Variants in RGS7 observed in about 807,000 individuals in gnomAD.
RGS7 encodes the protein regulator of G protein signaling 7, also known as regulator of G-protein signaling 7.
A neutral mutation model predicts 81.1 loss-of-function variants in RGS7; 27 were observed. That is an observed-to-expected ratio of 0.33 (90% CI 0.25 to 0.46). The LOEUF (loss-of-function observed/expected upper bound fraction) is 0.46, where lower values mean the gene tolerates loss of function less well. Among genes scored for constraint, RGS7 ranks in the 20% least tolerant of loss-of-function variants. The pLI is 1.00. For missense variants in RGS7, 396 were observed against 607.4 expected (o/e 0.65, Z 3.66); for synonymous variants, 208 against 207.7 (o/e 1.00, Z -0.01).
chr1:240,976,544 G>T (rs920193696), intron 4 of RGS7, among the ~76,000 whole-genome samples: 3 of 152,132 alleles, frequency 2.0e-5, no homozygotes, highest in Admixed American at 6.5e-5. Flanking sequence ...ATGTGGGTGG[G>T]CTTCATCCCA....
intron 2 of RGS7, among the ~76,000 whole-genome samples, chr1:241,110,638 TTTTTATTTTATTTTA>T (rs10590598): frequency 3.5e-5 from 5 of 144,076 alleles, no homozygotes; most frequent in South Asian, 4.4e-4. Flanking sequence ...TATTATTTCA[TTTTTATTTTATTTTA>T]TTTTATTTTA....
At chr1:241,191,865 C>A (rs1314663844) in intron 2 of RGS7, among the ~76,000 whole-genome samples, 1 of 152,176 alleles carries the variant, frequency 6.6e-6, no homozygotes, top group Non-Finnish European at 1.5e-5. Flanking sequence ...TTGTCAAATT[C>A]ATGTGTATAG....
In RGS7 at chr1:241,302,603, C is replaced by CTGAAA. The variant is rs2079839324; in HGVS notation, c.78+53095_78+53096insTTTCA. Among the ~76,000 whole-genome samples the CTGAAA allele has an allele frequency of 5.3e-5, 8 of 152,172 alleles. No homozygotes were observed. In the South Asian group the frequency reaches 1.7e-3, roughly 32 times the overall value. ...TTGGCTTCTACTCAGATAGGGAGCACCTTGGGAATTTTCAGTAAAACAAAT... is the reference window on the plus strand; with the variant it reads ...TTGGCTTCTACTCAGATAGGGAGCACTGAAACTTGGGAATTTTCAGTAAAACAAAT... On this transcript the variant is annotated intron_variant, in intron 2 of 18. Coordinates refer to ENST00000440928, the MANE Select transcript of RGS7 (RefSeq NM_001364886.1).
chr1:240,847,979 A>C (rs907478183), intron 9 of RGS7, among the ~76,000 whole-genome samples: 6 of 152,202 alleles, frequency 3.9e-5, no homozygotes, highest in African/African-American at 1.4e-4. Context: ...AATGTATAAA[A>C]AGCTTTAGAA....
intron 6 of RGS7, among the ~76,000 whole-genome samples, chr1:240,885,665 A>G (rs1667223401): frequency 6.6e-6 from 1 of 152,156 alleles, no homozygotes; most frequent in East Asian, 1.9e-4. Flanking sequence ...CAAATGCCAC[A>G]TGTTCTCACT....
chr1:240,796,054 T>A (rs1572124255), intron 18 of RGS7, among the ~76,000 whole-genome samples: 1 of 152,282 alleles, frequency 6.6e-6, no homozygotes. Flanking sequence ...CACAAAGTGC[T>A]GAGATTACAG....
At chr1:240,989,232 G>A (rs986846303) in intron 3 of RGS7, among the ~76,000 whole-genome samples, 2 of 151,302 alleles carry the variant, frequency 1.3e-5, no homozygotes, top group Admixed American at 6.6e-5. Flanking sequence ...GAGGTCAGGA[G>A]ATGGAGACCA....
chr1:241,186,755 A>G (rs1191277298), intron 2 of RGS7, among the ~76,000 whole-genome samples: 7 of 151,784 alleles, frequency 4.6e-5, no homozygotes, highest in South Asian at 4.2e-4. Flanking sequence ...TCGAACTCCC[A>G]AACTCAGGTG....
intron 9 of RGS7, among the ~76,000 whole-genome samples, chr1:240,845,279 C>T (rs1021944293): frequency 3.3e-5 from 5 of 152,102 alleles, no homozygotes; most frequent in African/African-American, 9.7e-5. Context: ...AATATGTAGC[C>T]GCCTCTCAGA....
intron 3 of RGS7, among the ~76,000 whole-genome samples, chr1:241,095,139 C>T (rs2064159228): frequency 6.6e-6 from 1 of 152,128 alleles, no homozygotes; most frequent in South Asian, 2.1e-4. Flanking sequence ...AGCAAGGTGG[C>T]CACTGATCCC....
rs183207049 is a variant in RGS7 at position 241,107,779 on chromosome 1, C to A, written c.79-9017G>T. 4.9e-3 allele frequency among the ~76,000 whole-genome samples: 748 copies of A among 152,274 alleles called. 4 individuals are homozygous for A. The highest frequency in any genetic ancestry group is 0.017 in the African/African-American group (726 of 41,564). ...TTTATATGAACCCAAGGAGAAATTCCTTCTCTAATTTCCATACCTGAATTT... is the reference window on the plus strand; with the variant it reads ...TTTATATGAACCCAAGGAGAAATTCATTCTCTAATTTCCATACCTGAATTT... On this transcript the variant is annotated intron_variant, in intron 2 of 18. Coordinates refer to ENST00000440928, the MANE Select transcript of RGS7 (RefSeq NM_001364886.1).
chr1:240,775,917 A>G lies in RGS7; in HGVS notation c.*303T>C. 2.0e-6 allele frequency: 1 copy of G among 498,908 alleles called. No homozygotes were observed. Among genetic ancestry groups the G allele is most frequent in the Non-Finnish European group, 3.6e-6 (1 of 274,614 alleles). 30.9% of individuals were successfully genotyped at this position (498,908 alleles called of 1,614,324 possible). A position where few individuals can be genotyped will look rare whatever the true frequency, so the allele number is the denominator to read the frequency against. On this transcript the variant is annotated 3_prime_UTR_variant, in exon 19 of 19. Coordinates refer to ENST00000440928, the MANE Select transcript of RGS7 (RefSeq NM_001364886.1). ...AAAGAAAAGGTTTTACTTCACTTGA[A>G]CTTGTTAAAAAGGAAGAGACACAGA... is the stretch of plus-strand genomic sequence containing the variant.
intron 3 of RGS7, among the ~76,000 whole-genome samples, chr1:241,068,238 G>GTGTGTGTGTGTGTATATATATATATA: frequency 2.8e-5 from 1 of 35,660 alleles, no homozygotes; most frequent in East Asian, 6.7e-3. Flanking sequence ...GTGTGTGTGT[G>GTGTGTGTGTGTGTATATATATATATA]TATATATATA....
chr1:241,090,050 G>C (rs2063779981), intron 3 of RGS7, among the ~76,000 whole-genome samples: 1 of 151,656 alleles, frequency 6.6e-6, no homozygotes, highest in African/African-American at 2.4e-5. Context: ...CTTCCATAGG[G>C]ATCTTGTTTG....
intron 3 of RGS7, among the ~76,000 whole-genome samples, chr1:241,031,540 T>C (rs773484453): frequency 1.6e-4 from 24 of 152,214 alleles, no homozygotes; most frequent in Non-Finnish European, 2.6e-4. Flanking sequence ...TTTAGTACTT[T>C]GAAAAATCTC....
chr1:240,979,687 G>A (rs1173771718), intron 4 of RGS7, among the ~76,000 whole-genome samples: 4 of 152,168 alleles, frequency 2.6e-5, no homozygotes, highest in Admixed American at 6.5e-5. Flanking sequence ...TAGCAACAGC[G>A]TGTAGATGCA....
At chr1:241,073,503 C>T (rs181746585) in intron 3 of RGS7, among the ~76,000 whole-genome samples, 23 of 152,314 alleles carry the variant, frequency 1.5e-4, no homozygotes, top group Admixed American at 9.8e-4. Flanking sequence ...GTTCAGCAAA[C>T]ATTTTCAGAG....
intron 2 of RGS7, among the ~76,000 whole-genome samples, chr1:241,142,189 G>A (rs963953989): frequency 6.6e-6 from 1 of 152,200 alleles, no homozygotes; most frequent in African/African-American, 2.4e-5. Flanking sequence ...GCTTTCGTGG[G>A]CTGGCACTGA....
intron 6 of RGS7, 42 bp downstream of exon 6, chr1:240,930,675 A>G (rs757854123): frequency 3.1e-5 from 49 of 1,577,014 alleles, no homozygotes; most frequent in Non-Finnish European, 4.2e-5. Flanking sequence ...CCATCTACAC[A>G]TACAGGCTGT....
Sources: gnomAD v4.1 joint callset for allele counts (sites outside exome capture counted in the v4.1 genomes callset) on GRCh38, gnomAD v4.1.1 for gene constraint, MANE v1.5 for transcripts, NCBI Gene and HGNC (gene_info 2026-07-23, HGNC 2026-07-21) for gene names.